The following RPS6KA2 variants were observed in gnomAD, a reference collection of about 807,000 sequenced individuals.
RPS6KA2 encodes the protein ribosomal protein S6 kinase A2, also known as ribosomal protein S6 kinase alpha-2.
A neutral mutation model predicts 91.8 loss-of-function variants in RPS6KA2; 42 were observed. That is an observed-to-expected ratio of 0.46 (90% CI 0.36 to 0.59). The LOEUF is 0.59. RPS6KA2 is among the 20% of genes least tolerant of loss of function. The probability of loss-of-function intolerance (pLI) is 0.00; values close to 1 mark genes in which losing one functional copy is unlikely to be tolerated. For missense variants in RPS6KA2, 798 were observed against 978.5 expected (o/e 0.82, Z 2.46); for synonymous variants, 414 against 393.6 (o/e 1.05, Z -0.61).
At chr6:166,521,229 G>C (rs1583235096) in intron 3 of RPS6KA2, among the ~76,000 whole-genome samples, 1 of 152,352 alleles carries the variant, frequency 6.6e-6, no homozygotes, top group East Asian at 1.9e-4. Context: ...TCCAGGCACA[G>C]AACCACTGTA....
rs3066794 is a variant in RPS6KA2 at position 166,787,975 on chromosome 6, CA to C, written c.123+70224del. Among the ~76,000 whole-genome samples the C allele has an allele frequency of 7.9e-3, 624 of 78,924 alleles. 5 individuals carry two copies. The highest frequency in any genetic ancestry group is 0.019 in the African/African-American group (437 of 22,772). 51.8% of individuals were successfully genotyped at this position (78,924 alleles called of 152,430 possible). On this transcript the variant is annotated intron_variant, in intron 2 of 21. Coordinates refer to the RPS6KA2 transcript ENST00000503859. ...TCTACAAAGAAGTTAAACAAATTTA[CA>C]AAAAAAAAAAAAAAAAACCAACCCA... is the stretch of plus-strand genomic sequence containing the variant.
intron 3 of RPS6KA2, among the ~76,000 whole-genome samples, chr6:166,521,396 G>A (rs969895735): frequency 1.3e-5 from 2 of 152,232 alleles, no homozygotes; most frequent in Admixed American, 6.5e-5. Flanking sequence ...CTGCTCCAGT[G>A]GGTCTGGAGG....
chr6:166,523,445 C>T (rs1025664044), intron 3 of RPS6KA2, among the ~76,000 whole-genome samples: 1 of 152,066 alleles, frequency 6.6e-6, no homozygotes, highest in Non-Finnish European at 1.5e-5. Context: ...GCCTGGGGAC[C>T]CCAGGAGTTA....
rs2128454378 is a variant in RPS6KA2, at chr6:166,448,789, C to T, written c.1267G>A (p.Val423Met). 1.9e-6 allele frequency: 3 copies of T among 1,613,850 alleles called. No individual in the cohort carries two copies. Among genetic ancestry groups the T allele is most frequent in the East Asian group, 2.2e-5 (1 of 44,884 alleles). Reference sequence around the variant, plus strand: ...CGCTTGCACACTGAGTAGGAGCCCACCCCGATGTCCTCCTTGATCTCGTAG... The same window carrying T: ...CGCTTGCACACTGAGTAGGAGCCCATCCCGATGTCCTCCTTGATCTCGTAG... ...DGYEIKEDIG[V>M]GSYSVCKRCV... is the part of the protein sequence containing the mutation. The change falls in exon 14 of 21, where the codon GTG becomes ATG. Residue 423 changes from valine to methionine, a missense_variant. Coordinates refer to ENST00000265678, the MANE Select transcript of RPS6KA2 (RefSeq NM_021135.6). This position sits in a 1 kb window ranked among gnomAD's most constrained non-coding sequence, Gnocchi z 4.7.
chr6:166,701,896 C>T lies in RPS6KA2; in HGVS notation c.123+156304G>A, dbSNP rs892382777. On this transcript the variant is annotated intron_variant, in intron 2 of 21. Transcript: ENST00000503859. ...GCATCAGTTCCTGCAATGGAGATAT[C>T]GTGATTTTAGTGTCTGTGTCTTGCT... 1.7e-5 allele frequency: 18 copies of T among 1,083,990 alleles called. No homozygotes were observed. In the African/African-American group the frequency reaches 2.6e-4, roughly 16 times the overall value. 67.1% of individuals were successfully genotyped at this position (1,083,990 alleles called of 1,614,324 possible).
At chr6:166,550,768 CAA>C (rs1562573435) in intron 1 of RPS6KA2, among the ~76,000 whole-genome samples, 4 of 151,942 alleles carry the variant, frequency 2.6e-5, no homozygotes, top group Non-Finnish European at 4.4e-5. Flanking sequence ...TTTGGGAGGC[CAA>C]GGCGGTCAGA....
chr6:166,592,612 G>A (rs903305259), intron 1 of RPS6KA2, among the ~76,000 whole-genome samples: 15 of 152,050 alleles, frequency 9.9e-5, no homozygotes, highest in African/African-American at 3.6e-4. Flanking sequence ...TATCAGGCCC[G>A]GATTGATGAG....
chr6:166,764,970 C>T (rs910692250), intron 2 of RPS6KA2, among the ~76,000 whole-genome samples: 18 of 152,226 alleles, frequency 1.2e-4, no homozygotes, highest in African/African-American at 4.1e-4. Flanking sequence ...ATCATATGTC[C>T]ACGGAGGTGG....
intron 1 of RPS6KA2, among the ~76,000 whole-genome samples, chr6:166,616,336 C>A (rs974924497): frequency 6.6e-6 from 1 of 152,162 alleles, no homozygotes; most frequent in Non-Finnish European, 1.5e-5. Flanking sequence ...GCCCCAACCC[C>A]GACGCATGGA....
chr6:166,862,274 C>T, exon 1 of RPS6KA2: 1 of 1,591,726 alleles, frequency 6.3e-7, no homozygotes, highest in Non-Finnish European at 8.5e-7. Flanking sequence ...TGTCGGAAGC[C>T]AAGGGACGCA....
Position 166,469,888 on chromosome 6 carries a change from C to T in RPS6KA2, c.925G>A (p.Val309Met), listed in dbSNP as rs1468616542. The T allele has an allele frequency of 6.2e-7, 1 of 1,614,156 alleles. No homozygotes were observed. The change falls in exon 11 of 21, where the codon GTG (valine) becomes ATG (methionine). Residue 309 changes from valine (V) to methionine (M), a missense_variant. Transcript: ENST00000265678. ...AAGGGATGGCGCTTAATTTCCTCCACTCCGTCAATGCCAGCACCTGTCAAC... is the reference window on the plus strand; with the variant it reads ...AAGGGATGGCGCTTAATTTCCTCCATTCCGTCAATGCCAGCACCTGTCAAC... ...CNRLGAGIDG[V>M]EEIKRHPFFV...
rs1237601478 is a variant in RPS6KA2, at chr6:166,531,414, T to C, written c.217-101A>G. 7.8e-6 allele frequency: 7 copies of C among 892,236 alleles called. No homozygotes were observed. In the African/African-American group the frequency reaches 1.2e-4, roughly 15 times the overall value. 55.3% of individuals were successfully genotyped at this position (892,236 alleles called of 1,614,324 possible). A position where few individuals can be genotyped will look rare whatever the true frequency, so the allele number is the denominator to read the frequency against. On this transcript the variant is annotated intron_variant, in intron 2 of 20. Coordinates refer to ENST00000265678, the MANE Select transcript of RPS6KA2 (RefSeq NM_021135.6). ...ATACACAAGGAAGTTTAGAGCATTT[T>C]CAATAAAACAAGTACACTGGTGAGA...
intron 3 of RPS6KA2, among the ~76,000 whole-genome samples, chr6:166,525,498 C>T (rs1392583525): frequency 6.6e-6 from 1 of 151,978 alleles, no homozygotes; most frequent in African/African-American, 2.4e-5. Context: ...GACGGGTGCC[C>T]AACGCTCCAA....
intron 2 of RPS6KA2, among the ~76,000 whole-genome samples, chr6:166,813,960 G>A (rs754614038): frequency 9.9e-5 from 15 of 152,080 alleles, no homozygotes; most frequent in African/African-American, 2.4e-4. Flanking sequence ...AATGATGGCC[G>A]GTGTCTGGTA....
chr6:166,609,788 C>T (rs1193041822), intron 1 of RPS6KA2, among the ~76,000 whole-genome samples: 1 of 152,150 alleles, frequency 6.6e-6, no homozygotes, highest in Non-Finnish European at 1.5e-5. Flanking sequence ...GCGTGAGCCA[C>T]CGTGCCTGGC....
intron 2 of RPS6KA2, among the ~76,000 whole-genome samples, chr6:166,667,546 T>C (rs1054979061): frequency 6.6e-6 from 1 of 152,210 alleles, no homozygotes; most frequent in Admixed American, 6.5e-5. Context: ...CAGGCCGGAT[T>C]TCATGTCATT....
At chr6:166,621,484 T>C (rs986793708) in intron 1 of RPS6KA2, among the ~76,000 whole-genome samples, 7 of 152,244 alleles carry the variant, frequency 4.6e-5, no homozygotes, top group African/African-American at 1.4e-4. Context: ...TAACAGCCTA[T>C]TTGTTGATAA....
chr6:166,609,752 G>A (rs936632922), intron 1 of RPS6KA2, among the ~76,000 whole-genome samples: 11 of 152,028 alleles, frequency 7.2e-5, no homozygotes, highest in African/African-American at 1.7e-4. Flanking sequence ...TGCCCGCCTC[G>A]TCCTCCTAAA....
chr6:166,821,933 C>A lies in RPS6KA2; in HGVS notation c.123+36267G>T, dbSNP rs1779915197. Among the ~76,000 whole-genome samples the A allele has an allele frequency of 6.6e-6, 1 of 152,190 alleles. No individual in the cohort carries two copies. The highest frequency in any genetic ancestry group is 1.5e-5 in the Non-Finnish European group (1 of 68,032). ...TCAGATGTTCAGGTTCAACACTGGG[C>A]ACCATCCTGAATCCCTCTCCCTCAG... On this transcript the variant is annotated intron_variant, in intron 2 of 21. Coordinates refer to the RPS6KA2 transcript ENST00000503859. The surrounding 1 kb of genome is among the most constrained non-coding windows in gnomAD (Gnocchi z 4.1).
Sources: allele counts gnomAD v4.1 joint callset (sites outside exome capture counted in the v4.1 genomes callset), GRCh38; gene constraint gnomAD v4.1.1; non-coding constraint Gnocchi (gnomAD v3.1); transcripts MANE v1.5; gene names NCBI Gene and HGNC (gene_info 2026-07-23, HGNC 2026-07-21).